AGMO: variants seen among roughly 807,000 people sequenced by gnomAD.
The protein encoded by AGMO is alkylglycerol monooxygenase, also known as glyceryl-ether monooxygenase.
Under a neutral mutation model 60.2 loss-of-function variants are expected in AGMO, and 75 were observed. The ratio of observed to expected loss-of-function variants is 1.25; its 90% CI spans 1.03 to 1.51. The LOEUF (loss-of-function observed/expected upper bound fraction) is 1.51, where lower values mean the gene tolerates loss of function less well. Among genes scored for constraint, AGMO ranks in the 40% most tolerant of loss-of-function variants. The probability of loss-of-function intolerance (pLI) is 0.00; values close to 1 mark genes in which losing one functional copy is unlikely to be tolerated. For missense variants in AGMO, 763 were observed against 525.5 expected, an observed-to-expected ratio of 1.45 and a Z score of -4.42; for synonymous variants, 261 against 177.1, an observed-to-expected ratio of 1.47 and a Z score of -3.76.
intron 3 of AGMO, among the ~76,000 whole-genome samples, chr7:15,452,365 T>A (rs533630908): frequency 6.6e-6 from 1 of 152,124 alleles, no homozygotes; most frequent in Non-Finnish European, 1.5e-5. Context: ...TTGGAATATA[T>A]AAAGAACTCT....
the AGMO span, among the ~76,000 whole-genome samples, chr7:15,191,376 A>G: frequency 6.6e-6 from 1 of 152,124 alleles, no homozygotes; most frequent in Non-Finnish European, 1.5e-5. Flanking sequence ...GAACCCAGGT[A>G]CTTGTGTACA....
intron 4 of AGMO, among the ~76,000 whole-genome samples, chr7:15,425,950 T>C (rs1781050569): frequency 6.6e-6 from 1 of 152,216 alleles, no homozygotes; most frequent in Non-Finnish European, 1.5e-5. Context: ...TAATTTATTA[T>C]GCTTTTGAGA....
intron 12 of AGMO, among the ~76,000 whole-genome samples, chr7:15,354,575 G>C (rs2128556117): frequency 8.2e-6 from 1 of 122,490 alleles, no homozygotes; most frequent in South Asian, 2.8e-4. Context: ...GTAAACATTT[G>C]TTAATTGCAT....
intron 12 of AGMO, among the ~76,000 whole-genome samples, chr7:15,340,724 T>C (rs1212884207): frequency 6.6e-6 from 1 of 152,110 alleles, no homozygotes; most frequent in Non-Finnish European, 1.5e-5. Context: ...AGAGGATATA[T>C]AAAAACACCT....
intron 12 of AGMO, among the ~76,000 whole-genome samples, chr7:15,353,903 AAC>A (rs1782351448): frequency 6.6e-6 from 1 of 152,180 alleles, no homozygotes; most frequent in African/African-American, 2.4e-5. Context: ...ATGCATAGAA[AAC>A]TATCATGTAT....
intron 3 of AGMO, among the ~76,000 whole-genome samples, chr7:15,518,215 C>G (rs1320410681): frequency 6.6e-6 from 1 of 152,130 alleles, no homozygotes; most frequent in Non-Finnish European, 1.5e-5. Context: ...GACAGAGCAC[C>G]TGGGGGAAGG....
At chr7:15,455,168 T>C (rs142450330) in intron 3 of AGMO, among the ~76,000 whole-genome samples, 6 of 151,716 alleles carry the variant, frequency 4.0e-5, no homozygotes, top group Non-Finnish European at 5.9e-5. Context: ...TTTTGGTAAA[T>C]AAGTATGAAA....
intron 10 of AGMO, among the ~76,000 whole-genome samples, chr7:15,379,279 A>G (rs1045225648): frequency 3.3e-5 from 5 of 152,108 alleles, no homozygotes; most frequent in African/African-American, 1.2e-4. Flanking sequence ...AGCTGAAGCA[A>G]AGGAGATTGA....
At position 15,317,906 on chromosome 7, in the gene AGMO, C is replaced by T. The variant is rs368559819; in HGVS notation, c.1263+47608G>A. On this transcript the variant is annotated intron_variant, in intron 12 of 12. Transcript: ENST00000342526. ...ACACACGTATATATATACACACACACGTATATATATATACACACACGTATA... is the reference window on the plus strand; with the variant it reads ...ACACACGTATATATATACACACACATGTATATATATATACACACACGTATA... Among the ~76,000 whole-genome samples, 61 of 142,980 alleles carry T rather than the reference C, an allele frequency of 4.3e-4. 1 individual carries two copies. Among genetic ancestry groups the T allele is most frequent in the South Asian group, 4.2e-3 (19 of 4,570 alleles). 93.8% of individuals were successfully genotyped at this position (142,980 alleles called of 152,430 possible). A position where few individuals can be genotyped will look rare whatever the true frequency, so the allele number is the denominator to read the frequency against.
At chr7:15,277,192 C>T (rs1404820870) in intron 12 of AGMO, among the ~76,000 whole-genome samples, 1 of 151,922 alleles carries the variant, frequency 6.6e-6, no homozygotes, top group African/African-American at 2.4e-5. Context: ...CCTGTAAACC[C>T]AGCTAGTCGG....
chr7:15,363,960 T>G (rs2128560476), intron 12 of AGMO, among the ~76,000 whole-genome samples: 1 of 152,168 alleles, frequency 6.6e-6, no homozygotes, highest in South Asian at 2.1e-4. Context: ...ATTTCTGAAT[T>G]TTATTAAATA....
intron 12 of AGMO, among the ~76,000 whole-genome samples, chr7:15,326,540 G>A (rs1365027909): frequency 6.6e-6 from 1 of 152,078 alleles, no homozygotes; most frequent in Non-Finnish European, 1.5e-5. Context: ...ATGCTCTTAA[G>A]GTTATTCCAG....
the AGMO span, among the ~76,000 whole-genome samples, chr7:15,138,430 C>T: frequency 5.3e-5 from 8 of 152,264 alleles, no homozygotes; most frequent in South Asian, 8.3e-4. Context: ...ATCATAATCC[C>T]GACATCCTAA....
intron 12 of AGMO, among the ~76,000 whole-genome samples, chr7:15,359,645 C>G (rs1427114683): frequency 6.6e-6 from 1 of 152,134 alleles, no homozygotes; most frequent in African/African-American, 2.4e-5. Flanking sequence ...TTAGAGCCAT[C>G]ATTTTATTTA....
At chr7:15,231,967 C>T (rs1782274358) in intron 12 of AGMO, among the ~76,000 whole-genome samples, 1 of 152,130 alleles carries the variant, frequency 6.6e-6, no homozygotes, top group East Asian at 1.9e-4. Context: ...GCACAGAAAA[C>T]AAAATGCTCT....
At chr7:15,190,737 AAG>A in the AGMO span, among the ~76,000 whole-genome samples, 1 of 152,174 alleles carries the variant, frequency 6.6e-6, no homozygotes, top group East Asian at 1.9e-4. Flanking sequence ...TCAAAACAGA[AAG>A]AGTTTTATTA....
chr7:15,214,157 T>C (rs1222377394), intron 12 of AGMO, among the ~76,000 whole-genome samples: 3 of 151,976 alleles, frequency 2.0e-5, no homozygotes, highest in Non-Finnish European at 2.9e-5. Context: ...AATTATGTTA[T>C]GAAAAATCTG....
In AGMO at chr7:15,561,804, C is replaced by G. The variant is rs201836497; in HGVS notation, c.42G>C (p.Gln14His). Reference protein sequence around the residue: ...PEAQQDVSVSQGFRMLFYTMK... With the variant: ...PEAQQDVSVSHGFRMLFYTMK... ...TCGTGTAAAACAACATGCGAAATCC[C>G]TGGGAAACTGAAACATCCTGCTGGG... Residue 14 changes from glutamine to histidine, a missense_variant, in exon 1 of 13, where the codon CAG (glutamine) becomes CAC (histidine). By Grantham distance (24) the Gln-to-His change is conservative (BLOSUM62 0). Coordinates refer to ENST00000342526, the MANE Select transcript of AGMO (RefSeq NM_001004320.2). The G allele has an allele frequency of 3.1e-6, 5 of 1,609,734 alleles. No homozygotes were observed. Among genetic ancestry groups the G allele is most frequent in the Non-Finnish European group, 3.4e-6 (4 of 1,177,382 alleles).
intron 10 of AGMO, among the ~76,000 whole-genome samples, chr7:15,374,526 T>C (rs1180761896): frequency 1.3e-5 from 2 of 152,090 alleles, no homozygotes; most frequent in Non-Finnish European, 2.9e-5. Flanking sequence ...GACACTATGG[T>C]TCTACTCCAT....
Sources: gnomAD v4.1 joint callset for allele counts (sites outside exome capture counted in the v4.1 genomes callset) on GRCh38, gnomAD v4.1.1 for gene constraint, MANE v1.5 for transcripts, NCBI Gene and HGNC (gene_info 2026-07-23, HGNC 2026-07-21) for gene names.